The following CSMD3 variants were observed in gnomAD, a reference collection of about 807,000 sequenced individuals.
CSMD3 encodes the protein CUB and sushi domain-containing protein 3.
Under a neutral mutation model 435.2 loss-of-function variants are expected in CSMD3, and 177 were observed. The observed-to-expected ratio is 0.41, with a 90% CI of 0.36 to 0.46. The LOEUF is 0.46. CSMD3 is among the 20% of genes least tolerant of loss of function. The pLI is 0.34. For synonymous variants in CSMD3, 1,656 were observed against 1,520.5 expected, an observed-to-expected ratio of 1.09 and a Z score of -2.07; for missense variants, 4,265 against 4,504.6, an observed-to-expected ratio of 0.95 and a Z score of 1.52.
At chr8:112,817,556 T>C (rs1454620553) in intron 12 of CSMD3, among the ~76,000 whole-genome samples, 2 of 152,144 alleles carry the variant, frequency 1.3e-5, no homozygotes, top group Non-Finnish European at 2.9e-5. Flanking sequence ...CTATTGACTT[T>C]TGTCACTAGA....
chr8:112,467,260 C>A lies in CSMD3; in HGVS notation c.5395+5331G>T, dbSNP rs1054730583. Among the ~76,000 whole-genome samples the A allele has an allele frequency of 2.6e-5, 4 of 152,108 alleles. No individual in the cohort carries two copies. The South Asian group carries it at 8.3e-4, about 32-fold the overall frequency. Reference sequence around the variant, plus strand: ...GGGGCAAATGTAAGGTTTTTATGCCCATTTTGAACATACCAAGTGTGAAAA... The same window carrying A: ...GGGGCAAATGTAAGGTTTTTATGCCAATTTTGAACATACCAAGTGTGAAAA... On this transcript the variant is annotated intron_variant, in intron 32 of 70. Coordinates refer to ENST00000297405, the MANE Select transcript of CSMD3 (RefSeq NM_198123.2).
chr8:113,354,285 G>T (rs997845299), intron 1 of CSMD3, among the ~76,000 whole-genome samples: 8 of 152,104 alleles, frequency 5.3e-5, no homozygotes, highest in Non-Finnish European at 1.0e-4. Context: ...TCCTGAATTT[G>T]AATACCTGAA....
At chr8:113,340,354 T>TTA (rs1427177442) in intron 1 of CSMD3, among the ~76,000 whole-genome samples, 2 of 152,032 alleles carry the variant, frequency 1.3e-5, no homozygotes, top group Admixed American at 6.6e-5. Context: ...CATTTTAATT[T>TTA]TATATATATT....
intron 13 of CSMD3, among the ~76,000 whole-genome samples, chr8:112,782,451 A>G (rs778713430): frequency 6.6e-6 from 1 of 152,116 alleles, no homozygotes; most frequent in Non-Finnish European, 1.5e-5. Flanking sequence ...TCTACAAAAT[A>G]GCCTCAAATG....
Position 113,170,850 on chromosome 8 carries a change from G to T in CSMD3, c.709+2872C>A, listed in dbSNP as rs142457562. Reference sequence around the variant, plus strand: ...ACCTGGGTAGACTAAAGTTAATCAGGTAGCATTTTCAAAAATAGTGGGTGC... The same window carrying T: ...ACCTGGGTAGACTAAAGTTAATCAGTTAGCATTTTCAAAAATAGTGGGTGC... On this transcript the variant is annotated intron_variant, in intron 4 of 70. Transcript: ENST00000297405. Among the ~76,000 whole-genome samples the T allele has an allele frequency of 3.3e-3, 502 of 152,142 alleles. 3 individuals are homozygous for T. Among genetic ancestry groups the T allele is most frequent in the African/African-American group, 0.01 (429 of 41,532 alleles).
chr8:113,238,501 A>C (rs1177826430), intron 3 of CSMD3, among the ~76,000 whole-genome samples: 3 of 152,142 alleles, frequency 2.0e-5, no homozygotes, highest in Non-Finnish European at 4.4e-5. Context: ...CCTGATAGGC[A>C]GTATCAGGCA....
intron 7 of CSMD3, among the ~76,000 whole-genome samples, chr8:112,969,980 A>G (rs2084582635): frequency 6.6e-6 from 1 of 152,104 alleles, no homozygotes; most frequent in African/African-American, 2.4e-5. Context: ...ACCACATATC[A>G]GACACTAAAT....
At position 112,718,750 on chromosome 8, in the gene CSMD3, G is replaced by A. The variant is rs967586451; in HGVS notation, c.1973-28700C>T. Reference sequence around the variant, plus strand: ...AATCATTTCTGTTTGCTCTGAGCACGTATTAAAATAACCTATTTATATGTA... The same window carrying A: ...AATCATTTCTGTTTGCTCTGAGCACATATTAAAATAACCTATTTATATGTA... On this transcript the variant is annotated intron_variant, in intron 13 of 70. Transcript: ENST00000297405. 4.6e-5 allele frequency among the ~76,000 whole-genome samples: 7 copies of A among 151,974 alleles called. No individual in the cohort carries two copies. The South Asian group carries it at 6.2e-4, about 14-fold the overall frequency.
intron 54 of CSMD3, 41 bp from the exon 55 acceptor site, chr8:112,292,751 A>C: frequency 4.5e-6 from 7 of 1,562,856 alleles, no homozygotes; most frequent in Non-Finnish European, 6.2e-6. Context: ...GAAACACAGA[A>C]AAAAAATATT....
chr8:112,285,971 C>T (rs1406479971), intron 58 of CSMD3, among the ~76,000 whole-genome samples: 1 of 152,072 alleles, frequency 6.6e-6, no homozygotes, highest in Non-Finnish European at 1.5e-5. Flanking sequence ...ATCCTCCTGC[C>T]TCAGTGTCCC....
At chr8:112,910,892 A>C (rs2082393370) in intron 10 of CSMD3, among the ~76,000 whole-genome samples, 1 of 151,904 alleles carries the variant, frequency 6.6e-6, no homozygotes, top group Non-Finnish European at 1.5e-5. Context: ...TGGTTGTTGA[A>C]TTTAATTTAT....
At chr8:112,870,180 C>T (rs1396674769) in intron 10 of CSMD3, among the ~76,000 whole-genome samples, 6 of 150,600 alleles carry the variant, frequency 4.0e-5, no homozygotes, top group Admixed American at 4.0e-4. Context: ...GGCCAACAAT[C>T]ACATGAAAAA....
chr8:112,487,227 A>G (rs1006535069), intron 31 of CSMD3, among the ~76,000 whole-genome samples: 14 of 152,320 alleles, frequency 9.2e-5, no homozygotes, highest in Admixed American at 8.5e-4. Context: ...TAGAATAGAT[A>G]TTGATTCTGT....
intron 59 of CSMD3, among the ~76,000 whole-genome samples, chr8:112,271,895 A>G (rs982687244): frequency 6.6e-6 from 1 of 152,216 alleles, no homozygotes; most frequent in Non-Finnish European, 1.5e-5. Context: ...ATTCCATAGT[A>G]TTAAAAGGTA....
At chr8:112,659,142 A>G (rs1431918882) in intron 17 of CSMD3, among the ~76,000 whole-genome samples, 1 of 147,474 alleles carries the variant, frequency 6.8e-6, no homozygotes, top group Non-Finnish European at 1.5e-5. Context: ...ATAGAATAGC[A>G]ACATTAACTG....
intron 3 of CSMD3, among the ~76,000 whole-genome samples, chr8:113,268,035 C>A (rs2093486728): frequency 6.6e-6 from 1 of 151,564 alleles, no homozygotes; most frequent in Admixed American, 6.6e-5. Flanking sequence ...TACCATATTT[C>A]CATAATAAAT....
chr8:112,643,309 C>T (rs2074887441), intron 20 of CSMD3, among the ~76,000 whole-genome samples: 1 of 152,080 alleles, frequency 6.6e-6, no homozygotes, highest in Non-Finnish European at 1.5e-5. Flanking sequence ...CAGGCCAGTT[C>T]ATCATGTTTC....
At chr8:113,310,495 T>C (rs1189973671) in intron 2 of CSMD3, 1 of 151,872 alleles carries the variant, frequency 6.6e-6, no homozygotes, top group African/African-American at 2.4e-5. Context: ...AATAAATGAA[T>C]TATGTAAATC....
At chr8:113,290,428 T>G (rs2093678286) in intron 2 of CSMD3, among the ~76,000 whole-genome samples, 1 of 151,656 alleles carries the variant, frequency 6.6e-6, no homozygotes, top group African/African-American at 2.4e-5. Context: ...TAGAGACAAG[T>G]TACTGAGAAT....
Sources: allele counts gnomAD v4.1 joint callset (sites outside exome capture counted in the v4.1 genomes callset), GRCh38; gene constraint gnomAD v4.1.1; transcripts MANE v1.5; gene names NCBI Gene and HGNC (gene_info 2026-07-23, HGNC 2026-07-21).